Variants in WDR20 observed in about 807,000 individuals in gnomAD.
WDR20 encodes WD repeat domain 20, also known as WD repeat-containing protein 20.
A neutral mutation model predicts 38.7 loss-of-function variants in WDR20; 3 were observed. The ratio of observed to expected loss-of-function variants is 0.08; its 90% CI spans 0.04 to 0.20. The LOEUF is 0.20. Among genes scored for constraint, WDR20 ranks in the 10% least tolerant of loss-of-function variants. The pLI is 1.00. For synonymous variants in WDR20, 298 were observed against 285.6 expected (o/e 1.04, Z -0.44); for missense variants, 559 against 727.7 (o/e 0.77, Z 2.67).
chr14:102,145,312 A>C (rs1469503446), intron 1 of WDR20, among the ~76,000 whole-genome samples: 2 of 152,342 alleles, frequency 1.3e-5, no homozygotes, highest in East Asian at 3.9e-4. Flanking sequence ...AAGACATTTA[A>C]AAATATTGCT....
At chr14:102,172,820 G>T (rs1366535738) in intron 1 of WDR20, among the ~76,000 whole-genome samples, 1 of 150,328 alleles carries the variant, frequency 6.7e-6, no homozygotes. Context: ...CAGACGGGGC[G>T]GCTGCCGGGC....
At chr14:102,155,810 C>G (rs967740287) in intron 1 of WDR20, among the ~76,000 whole-genome samples, 1 of 151,802 alleles carries the variant, frequency 6.6e-6, no homozygotes, top group African/African-American at 2.4e-5. Context: ...GAGGGTCTCC[C>G]TGTCACCCAG....
At chr14:102,151,562 AT>A (rs992838888) in intron 1 of WDR20, among the ~76,000 whole-genome samples, 7 of 147,494 alleles carry the variant, frequency 4.7e-5, no homozygotes, top group East Asian at 2.0e-4. Flanking sequence ...CGCCTGGCTA[AT>A]TTTTTTTTTG....
chr14:102,218,999 C>G (rs754452673), downstream of WDR20, among the ~76,000 whole-genome samples: 1 of 152,196 alleles, frequency 6.6e-6, no homozygotes, highest in Non-Finnish European at 1.5e-5. Context: ...GGTAAAACCC[C>G]ACTCCCTCCC....
rs368135818 is a variant in WDR20 at position 102,188,594 on chromosome 14, A to G, written c.250-6344A>G. On this transcript the variant is annotated intron_variant, in intron 1 of 2. Transcript: ENST00000342702. ...TTCCAGAAAAAAATTCCAGCCAGGC[A>G]TGGTGACTTACATCTGTAATCCCAG... 5.3e-5 allele frequency among the ~76,000 whole-genome samples: 8 copies of G among 152,210 alleles called. 1 individual carries two copies. The East Asian group carries it at 7.7e-4, about 15-fold the overall frequency.
chr14:102,197,075 T>G (rs1055267451), intron 2 of WDR20, among the ~76,000 whole-genome samples: 2 of 152,156 alleles, frequency 1.3e-5, no homozygotes, highest in Admixed American at 1.3e-4. Context: ...TGGTGTGACA[T>G]TTACAGGTTT....
Position 102,209,039 on chromosome 14 carries a change from C to T in WDR20, c.869C>T (p.Ser290Phe). The part of the protein sequence containing the change: ...GGEDDLVTVW[S>F]FVDCRVIARG... ...GAGGACGACTTGGTGACAGTCTGGT[C>T]CTTTGTAGACTGCCGAGTAATAGCC... Residue 290 changes from serine (S) to phenylalanine (F), a missense_variant, in exon 3 of 3, where the codon TCC (serine) becomes TTC (phenylalanine). By Grantham distance (155) the Ser-to-Phe change is radical. Coordinates refer to ENST00000342702, the MANE Select transcript of WDR20 (RefSeq NM_144574.4). This position sits in a 1 kb window ranked among gnomAD's most constrained non-coding sequence, Gnocchi z 6.0. 2 of 1,614,102 alleles carry T rather than the reference C, an allele frequency of 1.2e-6. No individual in the cohort carries two copies. The highest frequency in any genetic ancestry group is 1.7e-6 in the Non-Finnish European group (2 of 1,180,012).
intron 1 of WDR20, among the ~76,000 whole-genome samples, chr14:102,156,242 A>G (rs935393984): frequency 1.3e-5 from 2 of 149,074 alleles, no homozygotes; most frequent in Non-Finnish European, 3.0e-5. Flanking sequence ...ATCTCGGCTC[A>G]CTGCAAGCTC....
At position 102,222,711 on chromosome 14, in the gene WDR20, C is replaced by A; in HGVS notation, c.1693-119C>A. The A allele has an allele frequency of 9.9e-7, 1 of 1,010,828 alleles. No individual in the cohort carries two copies. Among genetic ancestry groups the A allele is most frequent in the Non-Finnish European group, 1.6e-6 (1 of 642,360 alleles). 62.6% of individuals were successfully genotyped at this position (1,010,828 alleles called of 1,614,324 possible). ...ATGAAGTGGAGGGTTTGCTCCCACA[C>A]TGGCTTCCACATCAACAGCACCAGT... On this transcript the variant is annotated intron_variant, in intron 3 of 3. Transcript: ENST00000335263. This position sits in a 1 kb window ranked among gnomAD's most constrained non-coding sequence, Gnocchi z 4.4.
At chr14:102,199,413 G>C (rs1039628782) in intron 2 of WDR20, among the ~76,000 whole-genome samples, 12 of 151,912 alleles carry the variant, frequency 7.9e-5, no homozygotes, top group African/African-American at 2.9e-4. Context: ...GGACGGAAAG[G>C]GTTCCGTGGG....
At chr14:102,161,048 CCACATGTATGATAAATTTAACCT>C (rs2058536245) in intron 1 of WDR20, among the ~76,000 whole-genome samples, 2 of 136,178 alleles carry the variant, frequency 1.5e-5, no homozygotes, top group Admixed American at 7.8e-5. Flanking sequence ...TGATAAATTT[CCACATGTATGATAAATTTAACCT>C]CACATGTATG....
intron 1 of WDR20, among the ~76,000 whole-genome samples, chr14:102,140,685 C>G (rs1320221322): frequency 6.6e-6 from 1 of 152,158 alleles, no homozygotes; most frequent in South Asian, 2.1e-4. Context: ...GCACGCAGGG[C>G]TACTCCACCT....
At chr14:102,212,564 T>A, downstream of WDR20, 1 of 1,535,880 alleles carries the variant, frequency 6.5e-7, no homozygotes, top group Non-Finnish European at 8.7e-7. Flanking sequence ...TGCAAGGTGT[T>A]CTCCAAGACC....
rs1437050428 is a variant in WDR20, at chr14:102,210,125, A to G, written c.*245A>G. On this transcript the variant is annotated 3_prime_UTR_variant, in exon 3 of 3. Coordinates refer to ENST00000342702, the MANE Select transcript of WDR20 (RefSeq NM_144574.4). ...GTCAGTCATCCTCCTGGGAGTATAT[A>G]GAGTCCCAAGGTTAGCGCTCCTGTA... 3.2e-6 allele frequency: 4 copies of G among 1,263,190 alleles called. No homozygotes were observed. The highest frequency in any genetic ancestry group is 3.1e-4 in the Middle Eastern group (1 of 3,192). The allele number at this position is 1,263,190 out of a possible 1,614,324, so 78.2% of individuals were successfully genotyped here.
intron 1 of WDR20, among the ~76,000 whole-genome samples, chr14:102,149,467 A>G (rs1304565445): frequency 6.6e-6 from 1 of 152,262 alleles, no homozygotes; most frequent in Non-Finnish European, 1.5e-5. Flanking sequence ...AGAATATTGC[A>G]TTGGGTTTCA....
Position 102,222,757 on chromosome 14 carries a change from GGC to G in WDR20, c.1693-71_1693-70del. The G allele has an allele frequency of 6.4e-7, 1 of 1,559,368 alleles. No individual in the cohort carries two copies. The highest frequency in any genetic ancestry group is 8.8e-7 in the Non-Finnish European group (1 of 1,131,482). ...CCAGTTTTGACCACGTGGAGCTGCTGGCGGAGGGCGCGCATGGTGGCTGTTGC... is the reference window on the plus strand; with the variant it reads ...CCAGTTTTGACCACGTGGAGCTGCTGGGAGGGCGCGCATGGTGGCTGTTGC... On this transcript the variant is annotated intron_variant, in intron 3 of 3. Transcript: ENST00000335263. The surrounding 1 kb of genome is among the most constrained non-coding windows in gnomAD (Gnocchi z 4.4).
At chr14:102,169,489 T>C (rs1425939061) in intron 1 of WDR20, among the ~76,000 whole-genome samples, 2 of 152,190 alleles carry the variant, frequency 1.3e-5, no homozygotes, top group Non-Finnish European at 2.9e-5. Flanking sequence ...CTGAAGCATA[T>C]AGAATTCAAT....
chr14:102,144,024 TA>T (rs1566775315), intron 1 of WDR20, among the ~76,000 whole-genome samples: 1 of 149,660 alleles, frequency 6.7e-6, no homozygotes, highest in African/African-American at 2.5e-5. Flanking sequence ...AAAAAAATAA[TA>T]AAAAAAAAAT....
chr14:102,220,944 A>G lies in WDR20; in HGVS notation c.1693-1886A>G, dbSNP rs2063819993. 6.6e-6 allele frequency among the ~76,000 whole-genome samples: 1 copy of G among 151,856 alleles called. No individual in the cohort carries two copies. The highest frequency in any genetic ancestry group is 2.1e-4 in the South Asian group (1 of 4,820). The stretch of plus-strand genomic sequence containing the variant: ...CGCCACCACACCCGGCTAATTTTGT[A>G]TTAGTAGAGATGGAGTTTCACCATG... On this transcript the variant is annotated intron_variant, in intron 3 of 3. Coordinates refer to the WDR20 transcript ENST00000335263. The surrounding 1 kb of genome is among the most constrained non-coding windows in gnomAD (Gnocchi z 4.2).
Sources: allele counts gnomAD v4.1 joint callset (sites outside exome capture counted in the v4.1 genomes callset), GRCh38; gene constraint gnomAD v4.1.1; non-coding constraint Gnocchi (gnomAD v3.1); transcripts MANE v1.5; gene names NCBI Gene and HGNC (gene_info 2026-07-23, HGNC 2026-07-21).